ATF7IP: variants seen among roughly 807,000 people sequenced by gnomAD.
The protein encoded by ATF7IP is activating transcription factor 7 interacting protein.
In ATF7IP, 23 loss-of-function variants were observed where a neutral mutation model predicts 106.4. The ratio of observed to expected loss-of-function variants is 0.22; its 90% CI spans 0.16 to 0.31. ATF7IP has a LOEUF of 0.31. Among genes scored for constraint, ATF7IP ranks in the 10% least tolerant of loss-of-function variants. The pLI is 1.00. For synonymous variants in ATF7IP, 542 were observed against 539.0 expected (o/e 1.01, Z -0.08); for missense variants, 1,334 against 1,524.3 (o/e 0.88, Z 2.08).
At chr12:14,413,276 G>T (rs1941022994) in intron 1 of ATF7IP, among the ~76,000 whole-genome samples, 1 of 152,122 alleles carries the variant, frequency 6.6e-6, no homozygotes, top group African/African-American at 2.4e-5. Flanking sequence ...TTAAATTAAG[G>T]ATGAGATAAT....
In ATF7IP at chr12:14,423,958, C is replaced by T; in HGVS notation, c.43C>T (p.Arg15Ter). The change falls in exon 2 of 15, where the codon CGA becomes TGA. Residue 15 changes from arginine to a stop codon, truncating the protein, a stop_gained. Transcript: ENST00000261168. LOFTEE classifies it high-confidence loss of function. ...ACCTCAGAAAAAAGTCTTTAAGGCT[C>T]GAAAAACGATGAGAGTGAGTGATCG... ...EEPQKKVFKA[R>*]KTMRVSDRQQ... is the part of the protein sequence containing the mutation. The T allele has an allele frequency of 6.2e-7, 1 of 1,611,508 alleles. No individual in the cohort carries two copies. The highest frequency in any genetic ancestry group is 8.5e-7 in the Non-Finnish European group (1 of 1,179,156).
intron 1 of ATF7IP, among the ~76,000 whole-genome samples, chr12:14,403,757 C>T (rs866131845): frequency 2.6e-5 from 4 of 152,156 alleles, no homozygotes; most frequent in Middle Eastern, 3.2e-3. Context: ...GAATTTTTCT[C>T]CCCTGCTTCT....
chr12:14,454,983 A>T (rs1943367953), intron 6 of ATF7IP, among the ~76,000 whole-genome samples: 1 of 152,086 alleles, frequency 6.6e-6, no homozygotes, highest in South Asian at 2.1e-4. Flanking sequence ...GTTCGAGACC[A>T]GCCTGGTCAA....
At chr12:14,389,944 A>T (rs564041246) in intron 1 of ATF7IP, among the ~76,000 whole-genome samples, 2 of 152,274 alleles carry the variant, frequency 1.3e-5, no homozygotes, top group East Asian at 3.9e-4. Context: ...AATTGTTAAC[A>T]TTTAAAGTTG....
intron 1 of ATF7IP, among the ~76,000 whole-genome samples, chr12:14,368,019 A>G (rs1189630578): frequency 2.0e-5 from 3 of 152,118 alleles, no homozygotes; most frequent in Admixed American, 1.3e-4. Context: ...TTAAAAATTT[A>G]TATGTAGTTT....
rs1044119306 is a variant in ATF7IP at position 14,436,283 on chromosome 12, T to C, written c.1791+32T>C. On this transcript the variant is annotated intron_variant, in intron 4 of 14. Coordinates refer to ENST00000261168, the MANE Select transcript of ATF7IP (RefSeq NM_018179.5). ...TGTCAATTATAAGTTATAAACCATA[T>C]TGAATAAATAGCACCACTATCTTCT... is the stretch of plus-strand genomic sequence containing the variant. 4.5e-6 allele frequency: 7 copies of C among 1,570,160 alleles called. No homozygotes were observed. In the African/African-American group the frequency reaches 8.2e-5, roughly 18 times the overall value.
intron 1 of ATF7IP, among the ~76,000 whole-genome samples, chr12:14,371,858 G>A (rs935664706): frequency 6.6e-6 from 1 of 151,982 alleles, no homozygotes; most frequent in Non-Finnish European, 1.5e-5. Context: ...GAAAATTTAT[G>A]CATTGGCTGC....
intron 2 of ATF7IP, among the ~76,000 whole-genome samples, chr12:14,426,301 A>T (rs11055969): frequency 6.6e-6 from 1 of 151,832 alleles, no homozygotes; most frequent in Admixed American, 6.6e-5. Flanking sequence ...GAAACTTTCT[A>T]AGCCTGTGGA....
chr12:14,429,492 T>A (rs1942021856), intron 2 of ATF7IP, among the ~76,000 whole-genome samples: 2 of 152,158 alleles, frequency 1.3e-5, no homozygotes, highest in Admixed American at 6.5e-5. Flanking sequence ...ACTGACATAG[T>A]TTCCTTGCAG....
At chr12:14,402,538 T>G (rs929085165) in intron 1 of ATF7IP, among the ~76,000 whole-genome samples, 2 of 151,978 alleles carry the variant, frequency 1.3e-5, no homozygotes, top group Non-Finnish European at 2.9e-5. Flanking sequence ...GAGTCTTAGC[T>G]CTAATATTTC....
rs1472480398 is a variant in ATF7IP, at chr12:14,496,265, T to C, written c.3315T>C (p.Tyr1105=). The change falls in exon 14 of 15, where the codon TAT becomes TAC. Residue 1105 remains tyrosine, a synonymous_variant. Coordinates refer to ENST00000261168, the MANE Select transcript of ATF7IP (RefSeq NM_018179.5). ...VTVRVPQTTT[Y]VVNNGLTLGS... is the part of the protein sequence containing the mutation. Reference sequence around the variant, plus strand: ...TTCGAGTGCCTCAAACAACCACATATGTTGTAAACAATGGACTAACCCTGG... The same window carrying C: ...TTCGAGTGCCTCAAACAACCACATACGTTGTAAACAATGGACTAACCCTGG... 1.9e-6 allele frequency: 3 copies of C among 1,613,792 alleles called. No individual in the cohort carries two copies. Among genetic ancestry groups the C allele is most frequent in the South Asian group, 1.1e-5 (1 of 91,082 alleles).
At chr12:14,493,570 A>T (rs1296406447) in intron 13 of ATF7IP, among the ~76,000 whole-genome samples, 1 of 152,082 alleles carries the variant, frequency 6.6e-6, no homozygotes, top group East Asian at 1.9e-4. Flanking sequence ...ACTACTGGGG[A>T]TGGGGAAGCT....
intron 1 of ATF7IP, among the ~76,000 whole-genome samples, chr12:14,387,925 G>T (rs1405047032): frequency 6.6e-6 from 1 of 152,100 alleles, no homozygotes; most frequent in Non-Finnish European, 1.5e-5. Context: ...ACTGGCCAAG[G>T]GTCCAAACCT....
At chr12:14,392,311 A>G (rs1277175363) in intron 1 of ATF7IP, among the ~76,000 whole-genome samples, 1 of 152,136 alleles carries the variant, frequency 6.6e-6, no homozygotes, top group African/African-American at 2.4e-5. Flanking sequence ...TAGTTTAGAA[A>G]AGGATCTTTA....
At chr12:14,402,468 C>T (rs903402718) in intron 1 of ATF7IP, among the ~76,000 whole-genome samples, 5 of 151,796 alleles carry the variant, frequency 3.3e-5, no homozygotes, top group African/African-American at 2.4e-5. Context: ...TCTTTAGTCA[C>T]CTCCCTGACA....
At chr12:14,477,762 C>A (rs115709590) in intron 11 of ATF7IP, among the ~76,000 whole-genome samples, 2,100 of 152,278 alleles carry the variant, frequency 0.014, 64 homozygotes, top group African/African-American at 0.048. Context: ...GGGTCACAAT[C>A]TTCATAGTGG....
At chr12:14,463,906 C>G (rs1266652873) in intron 9 of ATF7IP, among the ~76,000 whole-genome samples, 1 of 152,092 alleles carries the variant, frequency 6.6e-6, no homozygotes, top group Non-Finnish European at 1.5e-5. Flanking sequence ...AAATGCTGTT[C>G]CATTTACTAA....
chr12:14,469,330 A>G lies in ATF7IP; in HGVS notation c.2862+2740A>G, dbSNP rs142070339. On this transcript the variant is annotated intron_variant, in intron 10 of 14. Transcript: ENST00000261168. ...TGCCAAGCCAAGATAATGCCACTGC[A>G]TTCCAGCCTGGGTGACAGAATGAGA... Among the ~76,000 whole-genome samples, 589 of 144,702 alleles carry G rather than the reference A, an allele frequency of 4.1e-3. 3 individuals carry two copies. Among genetic ancestry groups the G allele is most frequent in the Middle Eastern group, 7.3e-3 (2 of 274 alleles). The allele number at this position is 144,702 out of a possible 152,430, so 94.9% of individuals were successfully genotyped here.
Position 14,498,036 on chromosome 12 carries a change from A to G in ATF7IP, c.3776A>G (p.Gln1259Arg). Residue 1259 changes from glutamine to arginine, a missense_variant, in exon 15 of 15, where the codon CAG becomes CGG. By Grantham distance (43) the Gln-to-Arg change is conservative. Transcript: ENST00000261168. ...CGTTTTGGGCCTTTCTGTGATCCTCAGTCAACAGATGTGATCTCTTCTACC... is the reference window on the plus strand; with the variant it reads ...CGTTTTGGGCCTTTCTGTGATCCTCGGTCAACAGATGTGATCTCTTCTACC... ...YGRFGPFCDP[Q>R]STDVISSTQS... is the part of the protein sequence containing the mutation. 6.2e-7 allele frequency: 1 copy of G among 1,611,850 alleles called. No individual in the cohort carries two copies. The highest frequency in any genetic ancestry group is 8.5e-7 in the Non-Finnish European group (1 of 1,178,094).
Sources: gnomAD v4.1 joint callset for allele counts (sites outside exome capture counted in the v4.1 genomes callset) on GRCh38, gnomAD v4.1.1 for gene constraint, MANE v1.5 for transcripts, NCBI Gene and HGNC (gene_info 2026-07-23, HGNC 2026-07-21) for gene names.